The following EYA4 variants were observed in gnomAD, a reference collection of about 807,000 sequenced individuals.
EYA4 encodes the protein EYA transcriptional coactivator and phosphatase 4.
Under a neutral mutation model 87.9 loss-of-function variants are expected in EYA4, and 31 were observed. The ratio of observed to expected loss-of-function variants is 0.35; its 90% CI spans 0.27 to 0.48. The LOEUF is 0.48. Among genes scored for constraint, EYA4 ranks in the 20% least tolerant of loss-of-function variants. EYA4 has a pLI of 0.99. For synonymous variants in EYA4, 263 were observed against 270.6 expected, an observed-to-expected ratio of 0.97 and a Z score of 0.28; for missense variants, 678 against 761.4, an observed-to-expected ratio of 0.89 and a Z score of 1.29.
chr6:133,357,078 T>C (rs1393170138), intron 2 of EYA4, among the ~76,000 whole-genome samples: 3 of 151,800 alleles, frequency 2.0e-5, no homozygotes, highest in Non-Finnish European at 1.5e-5. Flanking sequence ...GAGACCATCC[T>C]GGCTAAAACA....
At chr6:133,517,903 G>A (rs1799740249) in intron 17 of EYA4, among the ~76,000 whole-genome samples, 1 of 152,192 alleles carries the variant, frequency 6.6e-6, no homozygotes, top group East Asian at 1.9e-4. Flanking sequence ...ACGTTAGGCT[G>A]AAAATCAATT....
At chr6:133,260,103 TTC>T (rs1408389576) in intron 1 of EYA4, among the ~76,000 whole-genome samples, 2 of 152,196 alleles carry the variant, frequency 1.3e-5, no homozygotes, top group South Asian at 2.1e-4. Flanking sequence ...TCAATTTTAT[TTC>T]TGTTTCTTTT....
chr6:133,372,397 T>C (rs1785336050), intron 2 of EYA4, among the ~76,000 whole-genome samples: 1 of 152,060 alleles, frequency 6.6e-6, no homozygotes, highest in Non-Finnish European at 1.5e-5. Flanking sequence ...AATGAAGAAT[T>C]TTATTTTAGG....
At chr6:133,332,047 A>G (rs1480208521) in intron 2 of EYA4, among the ~76,000 whole-genome samples, 1 of 152,220 alleles carries the variant, frequency 6.6e-6, no homozygotes, top group Non-Finnish European at 1.5e-5. Flanking sequence ...CTTATAATTC[A>G]GTGGGAACTC....
At chr6:133,284,299 G>C (rs1317940571) in intron 2 of EYA4, among the ~76,000 whole-genome samples, 1 of 152,134 alleles carries the variant, frequency 6.6e-6, no homozygotes, top group Non-Finnish European at 1.5e-5. Flanking sequence ...CCCCCGAGTA[G>C]AGTAACTGGG....
chr6:133,313,145 G>A (rs1399503947), intron 2 of EYA4, among the ~76,000 whole-genome samples: 1 of 152,052 alleles, frequency 6.6e-6, no homozygotes, highest in South Asian at 2.1e-4. Flanking sequence ...GACTTATAAG[G>A]TATGGGAGTG....
In EYA4 at chr6:133,515,273, G is replaced by A. The variant is rs779841770; in HGVS notation, c.1502-48G>A. ...GAAGGGAATCTAAACTAGATATTCT[G>A]AGACAATATTCATCTCTCGACTCTG... is the stretch of plus-strand genomic sequence containing the variant. On this transcript the variant is annotated intron_variant, in intron 16 of 19. Coordinates refer to ENST00000355286, the MANE Select transcript of EYA4 (RefSeq NM_004100.5). 3 of 892,388 alleles carry A rather than the reference G, an allele frequency of 3.4e-6. No individual in the cohort carries two copies. The East Asian group carries it at 7.2e-5, about 21-fold the overall frequency. The allele number at this position is 892,388 out of a possible 1,614,324, so 55.3% of individuals were successfully genotyped here. A position where few individuals can be genotyped will look rare whatever the true frequency, so the allele number is the denominator to read the frequency against.
At chr6:133,472,772 G>A (rs1478435767) in intron 11 of EYA4, among the ~76,000 whole-genome samples, 3 of 117,966 alleles carry the variant, frequency 2.5e-5, no homozygotes, top group Non-Finnish European at 5.2e-5. Context: ...ATGAATCTGG[G>A]TGCTCCTGTA....
At chr6:133,260,085 G>T (rs191217097) in intron 1 of EYA4, among the ~76,000 whole-genome samples, 145 of 152,088 alleles carry the variant, frequency 9.5e-4, no homozygotes, top group Non-Finnish European at 1.9e-4. Context: ...TTTTTCGTGT[G>T]TGGCTTTTCA....
At chr6:133,504,201 A>G (rs1301687977) in intron 13 of EYA4, among the ~76,000 whole-genome samples, 1 of 152,232 alleles carries the variant, frequency 6.6e-6, no homozygotes, top group African/African-American at 2.4e-5. Context: ...CACAGGCGTG[A>G]GCCACTGTGC....
chr6:133,316,427 A>T (rs1780626498), intron 2 of EYA4, among the ~76,000 whole-genome samples: 1 of 152,220 alleles, frequency 6.6e-6, no homozygotes, highest in Admixed American at 6.5e-5. Context: ...AGCTAAAATA[A>T]ATAAATCCTA....
At chr6:133,322,485 G>A (rs1781167099) in intron 2 of EYA4, among the ~76,000 whole-genome samples, 1 of 152,264 alleles carries the variant, frequency 6.6e-6, no homozygotes, top group African/African-American at 2.4e-5. Flanking sequence ...AAAACATGGA[G>A]TATGGAGCTG....
intron 3 of EYA4, among the ~76,000 whole-genome samples, chr6:133,434,660 G>T (rs1791491604): frequency 6.6e-6 from 1 of 152,068 alleles, no homozygotes; most frequent in Non-Finnish European, 1.5e-5. Flanking sequence ...TTGCTTTTGA[G>T]GACATTTAAT....
At chr6:133,459,314 T>G (rs1299751350) in intron 6 of EYA4, among the ~76,000 whole-genome samples, 1 of 152,136 alleles carries the variant, frequency 6.6e-6, no homozygotes, top group South Asian at 2.1e-4. Context: ...TGTTTAGATT[T>G]ATCATTAGAA....
intron 2 of EYA4, among the ~76,000 whole-genome samples, chr6:133,326,063 A>T (rs551020706): frequency 9.8e-5 from 15 of 152,302 alleles, no homozygotes; most frequent in Admixed American, 9.8e-4. Context: ...ACTTCCATAC[A>T]TCTTTCAAGT....
chr6:133,392,176 G>A (rs1787359507), intron 3 of EYA4, among the ~76,000 whole-genome samples: 1 of 152,056 alleles, frequency 6.6e-6, no homozygotes. Flanking sequence ...AAGCTGACCA[G>A]TTCCTATTCA....
intron 2 of EYA4, among the ~76,000 whole-genome samples, chr6:133,287,139 A>T (rs906456020): frequency 3.9e-5 from 6 of 152,228 alleles, no homozygotes; most frequent in African/African-American, 1.2e-4. Flanking sequence ...AGTTTACCTG[A>T]ACATTTAATA....
At chr6:133,314,411 C>T (rs1482292667) in intron 2 of EYA4, among the ~76,000 whole-genome samples, 2 of 152,116 alleles carry the variant, frequency 1.3e-5, no homozygotes, top group Non-Finnish European at 2.9e-5. Context: ...TAATGAGAAA[C>T]ATCTCACAGT....
intron 2 of EYA4, among the ~76,000 whole-genome samples, chr6:133,360,007 G>A (rs2128444295): frequency 6.6e-6 from 1 of 152,302 alleles, no homozygotes; most frequent in African/African-American, 2.4e-5. Flanking sequence ...GGCTGCATCT[G>A]AAGAAGGTAG....
Sources: gnomAD v4.1 joint callset for allele counts (sites outside exome capture counted in the v4.1 genomes callset) on GRCh38, gnomAD v4.1.1 for gene constraint, MANE v1.5 for transcripts, NCBI Gene and HGNC (gene_info 2026-07-23, HGNC 2026-07-21) for gene names.